Variants in SHISA9 observed in about 807,000 individuals in gnomAD.
SHISA9 encodes the protein shisa family member 9, also known as protein shisa-9.
SHISA9 carries 13 observed loss-of-function variants against 38.0 expected under a neutral mutation model. The observed-to-expected ratio is 0.34, with a 90% confidence interval of 0.22 to 0.54. The LOEUF is 0.54. Ranked by LOEUF, SHISA9 falls within the 20% of genes least tolerant of loss-of-function variation. The pLI is 0.91. For synonymous variants in SHISA9, 275 were observed against 242.0 expected (o/e 1.14, Z -1.27); for missense variants, 538 against 575.8 (o/e 0.93, Z 0.67).
chr16:13,403,076 C>G, the SHISA9 span, among the ~76,000 whole-genome samples: 2 of 151,770 alleles, frequency 1.3e-5, no homozygotes, highest in African/African-American at 4.8e-5. Context: ...TGCACTCCAG[C>G]CTGGGGGACA....
intron 2 of SHISA9, among the ~76,000 whole-genome samples, chr16:13,015,276 G>T (rs2072727110): frequency 6.6e-6 from 1 of 152,228 alleles, no homozygotes; most frequent in Non-Finnish European, 1.5e-5. Context: ...GCCCCACAAA[G>T]CCTAGAATAT....
intron 2 of SHISA9, among the ~76,000 whole-genome samples, chr16:13,103,843 G>A (rs1193356508): frequency 2.6e-5 from 4 of 152,152 alleles, no homozygotes; most frequent in Admixed American, 6.5e-5. Context: ...CATGTCATAG[G>A]CTTTGTGTCC....
intron 2 of SHISA9, among the ~76,000 whole-genome samples, chr16:12,959,181 A>G (rs778859381): frequency 1.3e-5 from 2 of 152,224 alleles, no homozygotes; most frequent in Non-Finnish European, 2.9e-5. Context: ...TGCCTGGTTA[A>G]TCATAGATGC....
rs1325954007 is a variant in SHISA9, at chr16:13,235,138, C to T, written c.1004C>T (p.Ala335Val). 1.3e-5 allele frequency: 20 copies of T among 1,551,620 alleles called. No individual in the cohort carries two copies. The Admixed American group carries it at 3.9e-4, about 30-fold the overall frequency. Residue 335 changes from alanine to valine, a missense_variant, in exon 5 of 5, where the codon GCC (alanine) becomes GTC (valine). Ala to Val is a moderately conservative substitution (Grantham distance 64). Coordinates refer to ENST00000558583, the MANE Select transcript of SHISA9 (RefSeq NM_001145204.3). ...HPVRVEDEPR[A>V]FSPEHGPAKQ... ...GTAAGAGTGGAGGACGAGCCCCGGG[C>T]CTTCAGCCCTGAGCACGGTCCTGCC...
chr16:13,142,779 T>G (rs1016057675), intron 2 of SHISA9, among the ~76,000 whole-genome samples: 1 of 152,184 alleles, frequency 6.6e-6, no homozygotes, highest in Non-Finnish European at 1.5e-5. Context: ...AACCTTACCA[T>G]GTTGAACACA....
chr16:13,065,199 A>G (rs1323626575), intron 2 of SHISA9, among the ~76,000 whole-genome samples: 1 of 152,002 alleles, frequency 6.6e-6, no homozygotes, highest in Non-Finnish European at 1.5e-5. Context: ...CTTGTTTTGC[A>G]TCCTTGGCAA....
intron 2 of SHISA9, among the ~76,000 whole-genome samples, chr16:12,990,952 C>T (rs2072377050): frequency 6.6e-6 from 1 of 152,164 alleles, no homozygotes; most frequent in South Asian, 2.1e-4. Flanking sequence ...GATCTTGAAA[C>T]ACAATATCAA....
intron 2 of SHISA9, among the ~76,000 whole-genome samples, chr16:12,945,909 T>G (rs753848960): frequency 1.3e-5 from 2 of 151,958 alleles, no homozygotes; most frequent in African/African-American, 2.4e-5. Context: ...AGGACAGGAG[T>G]TTGAGACTAG....
chr16:12,990,650 C>G (rs1346197387), intron 2 of SHISA9, among the ~76,000 whole-genome samples: 1 of 152,116 alleles, frequency 6.6e-6, no homozygotes, highest in Non-Finnish European at 1.5e-5. Flanking sequence ...TTTTGATTAT[C>G]AAAACTGGAG....
chr16:13,084,339 C>T (rs2073687265), intron 2 of SHISA9, among the ~76,000 whole-genome samples: 1 of 152,144 alleles, frequency 6.6e-6, no homozygotes, highest in Admixed American at 6.5e-5. Flanking sequence ...AATATGTTCC[C>T]ATGAACTCAA....
intron 2 of SHISA9, among the ~76,000 whole-genome samples, chr16:13,083,857 G>T (rs952449142): frequency 1.4e-4 from 22 of 152,170 alleles, no homozygotes; most frequent in African/African-American, 5.3e-4. Flanking sequence ...GGGGACACCT[G>T]CTGTGAAAAG....
At position 12,988,891 on chromosome 16, in the gene SHISA9, G is replaced by A. The variant is rs958720153; in HGVS notation, c.691+72076G>A. 4.6e-5 allele frequency among the ~76,000 whole-genome samples: 7 copies of A among 152,246 alleles called. No homozygotes were observed. The South Asian group carries it at 1.5e-3, about 32-fold the overall frequency. On this transcript the variant is annotated intron_variant, in intron 2 of 4. Transcript: ENST00000558583. The stretch of plus-strand genomic sequence containing the variant: ...GAGTACTTGTTAATGAAATTCGCCT[G>A]TTGTAAGTATTCACCTGAGTACTTA...
intron 2 of SHISA9, among the ~76,000 whole-genome samples, chr16:13,198,664 T>G (rs75584858): frequency 0.019 from 2,958 of 152,330 alleles, 45 homozygotes; most frequent in Non-Finnish European, 0.03. Context: ...GTCTCTATCT[T>G]CCTGTCCAGT....
rs1934107424 is a variant in SHISA9 at position 12,902,164 on chromosome 16, C to G, written c.100C>G (p.Gln34Glu). ...GCGAGCGGGACACGGGCAGCTGGCG[C>G]AACTGGGCGGCGTGTTGCTGCTGGC... is the stretch of plus-strand genomic sequence containing the variant. ...QERAGHGQLA[Q>E]LGGVLLLAGG... Residue 34 changes from glutamine to glutamate, a missense_variant, in exon 1 of 5, where the codon CAA (glutamine) becomes GAA (glutamate). By Grantham distance (29) the Gln-to-Glu change is conservative. Transcript: ENST00000558583. 6.5e-7 allele frequency: 1 copy of G among 1,528,282 alleles called. No homozygotes were observed. The highest frequency in any genetic ancestry group is 1.4e-5 in the African/African-American group (1 of 72,166). The allele number at this position is 1,528,282 out of a possible 1,614,324, so 94.7% of individuals were successfully genotyped here.
chr16:13,441,937 C>T, the SHISA9 span, among the ~76,000 whole-genome samples: 1 of 152,180 alleles, frequency 6.6e-6, no homozygotes, highest in Non-Finnish European at 1.5e-5. Flanking sequence ...CAAAACTTTC[C>T]CTTCCAAAAA....
chr16:13,112,791 C>T (rs2073992429), intron 2 of SHISA9, among the ~76,000 whole-genome samples: 1 of 152,042 alleles, frequency 6.6e-6, no homozygotes, highest in Non-Finnish European at 1.5e-5. Context: ...TTCATGGCTC[C>T]CACTCGCCTT....
the SHISA9 span, among the ~76,000 whole-genome samples, chr16:13,372,651 C>T: frequency 6.6e-6 from 1 of 152,194 alleles, no homozygotes; most frequent in Non-Finnish European, 1.5e-5. Context: ...TCAGTATTCA[C>T]TAAGTATTTC....
the SHISA9 span, among the ~76,000 whole-genome samples, chr16:13,493,432 T>G: frequency 6.6e-6 from 1 of 152,192 alleles, no homozygotes; most frequent in African/African-American, 2.4e-5. Flanking sequence ...AAGAATTCAC[T>G]CTTGGCTACC....
At chr16:13,256,077 C>T in the SHISA9 span, among the ~76,000 whole-genome samples, 1 of 152,130 alleles carries the variant, frequency 6.6e-6, no homozygotes, top group African/African-American at 2.4e-5. Context: ...GGAAGTTCCC[C>T]CATACATTCA....
Sources: gnomAD v4.1 joint callset for allele counts (sites outside exome capture counted in the v4.1 genomes callset) on GRCh38, gnomAD v4.1.1 for gene constraint, MANE v1.5 for transcripts, NCBI Gene and HGNC (gene_info 2026-07-23, HGNC 2026-07-21) for gene names.